Variants in GASK1A observed in about 807,000 individuals in gnomAD.
GASK1A encodes golgi associated kinase 1A, also known as Golgi-associated kinase 1A.
Under a neutral mutation model 41.2 loss-of-function variants are expected in GASK1A, and 40 were observed. That is an observed-to-expected ratio of 0.97 (90% CI 0.75 to 1.27). GASK1A has a LOEUF of 1.27. GASK1A is among the 50% of genes most tolerant of loss of function. The probability of loss-of-function intolerance (pLI) is 0.00; values close to 1 mark genes in which losing one functional copy is unlikely to be tolerated. For missense variants in GASK1A, 678 were observed against 745.1 expected (o/e 0.91, Z 1.05); for synonymous variants, 316 against 307.1 (o/e 1.03, Z -0.30).
chr3:43,002,606 T>A (rs1048634175), intron 1 of GASK1A, among the ~76,000 whole-genome samples: 1 of 152,212 alleles, frequency 6.6e-6, no homozygotes, highest in Non-Finnish European at 1.5e-5. Flanking sequence ...TGAGATGTGC[T>A]GTTTGTGTGA....
intron 1 of GASK1A, among the ~76,000 whole-genome samples, chr3:43,026,242 C>T (rs968194482): frequency 5.9e-5 from 9 of 152,198 alleles, no homozygotes; most frequent in African/African-American, 1.9e-4. Flanking sequence ...GCCATATTTG[C>T]AGGATGCAGC....
rs1050729482 is a variant in GASK1A, at chr3:43,002,266, T to A, written c.3+22621T>A. Among the ~76,000 whole-genome samples, 8 of 152,330 alleles carry A rather than the reference T, an allele frequency of 5.3e-5. No individual in the cohort carries two copies. The East Asian group carries it at 1.5e-3, about 29-fold the overall frequency. On this transcript the variant is annotated intron_variant, in intron 1 of 4. Coordinates refer to ENST00000430121, the MANE Select transcript of GASK1A (RefSeq NM_001129908.3). ...TTGTTGAGACAAAAGACTCAGCATG[T>A]GTCCTAAGGCTGGAGGAAAAACTGA...
At chr3:42,994,621 T>C (rs745973667) in intron 1 of GASK1A, among the ~76,000 whole-genome samples, 12 of 152,098 alleles carry the variant, frequency 7.9e-5, no homozygotes, top group Admixed American at 5.9e-4. Context: ...CTTTGTGCCA[T>C]GGACACAGAG....
intron 2 of GASK1A, among the ~76,000 whole-genome samples, chr3:43,044,978 T>C (rs1170728043): frequency 2.0e-5 from 3 of 152,058 alleles, no homozygotes; most frequent in African/African-American, 7.2e-5. Context: ...CCCACATTAT[T>C]TATTGGTGAT....
chr3:43,028,514 C>T (rs872126), intron 1 of GASK1A, among the ~76,000 whole-genome samples: 52,199 of 151,956 alleles, frequency 0.34, 9,675 homozygotes, highest in Non-Finnish European at 0.43. Context: ...TAGCTAAACC[C>T]ACCTAATGAA....
intron 1 of GASK1A, among the ~76,000 whole-genome samples, chr3:42,992,686 G>C (rs1475829573): frequency 6.6e-6 from 1 of 152,192 alleles, no homozygotes; most frequent in Non-Finnish European, 1.5e-5. Flanking sequence ...TGGAAACAGA[G>C]GAAGGGGAAA....
chr3:42,985,583 G>GTA (rs2089304601), intron 1 of GASK1A, among the ~76,000 whole-genome samples: 1 of 148,970 alleles, frequency 6.7e-6, no homozygotes, highest in Non-Finnish European at 1.5e-5. Context: ...GTGTGTGTGT[G>GTA]TGTGGGCGGA....
At chr3:43,036,911 C>G (rs923306774) in intron 2 of GASK1A, among the ~76,000 whole-genome samples, 4 of 152,228 alleles carry the variant, frequency 2.6e-5, no homozygotes, top group East Asian at 3.9e-4. Context: ...GAGCTGAGAA[C>G]CTAGCAAAAC....
At chr3:42,990,861 C>T (rs529552789) in intron 1 of GASK1A, among the ~76,000 whole-genome samples, 1 of 152,294 alleles carries the variant, frequency 6.6e-6, no homozygotes, top group African/African-American at 2.4e-5. Context: ...TTTGCCTGAG[C>T]TCTTGTGGCT....
rs1050292777 is a variant in GASK1A, at chr3:43,041,302, T to C, written c.1290+7749T>C. Among the ~76,000 whole-genome samples, 127 of 152,260 alleles carry C rather than the reference T, an allele frequency of 8.3e-4. 1 individual carries two copies. The highest frequency in any genetic ancestry group is 3.4e-3 in the Middle Eastern group (1 of 294). On this transcript the variant is annotated intron_variant, in intron 2 of 4. Coordinates refer to ENST00000430121, the MANE Select transcript of GASK1A (RefSeq NM_001129908.3). ...CTAGATCCCTGAGGAATCGTCACAC[T>C]GACTTCCACAATGGTTGAACTAGTT... is the stretch of plus-strand genomic sequence containing the variant.
At chr3:42,998,179 G>T (rs939422383) in intron 1 of GASK1A, among the ~76,000 whole-genome samples, 1 of 152,176 alleles carries the variant, frequency 6.6e-6, no homozygotes, top group South Asian at 2.1e-4. Flanking sequence ...TGCAGAAGAC[G>T]CAGCCGGGAG....
intron 1 of GASK1A, among the ~76,000 whole-genome samples, chr3:43,024,900 G>T (rs148886604): frequency 6.6e-6 from 1 of 152,146 alleles, no homozygotes; most frequent in Admixed American, 6.5e-5. Context: ...AGCACACGGC[G>T]AGGACATCCA....
chr3:42,980,427 C>T (rs891738776), intron 1 of GASK1A, among the ~76,000 whole-genome samples: 1 of 152,334 alleles, frequency 6.6e-6, no homozygotes, highest in South Asian at 2.1e-4. Context: ...GCAGAAAACC[C>T]CTGCAACCCC....
At chr3:42,996,721 C>G (rs2089372198) in intron 1 of GASK1A, among the ~76,000 whole-genome samples, 1 of 152,194 alleles carries the variant, frequency 6.6e-6, no homozygotes, top group Admixed American at 6.5e-5. Flanking sequence ...CCTCTAGGCC[C>G]AGAGATGAAA....
intron 2 of GASK1A, among the ~76,000 whole-genome samples, chr3:43,036,349 G>C (rs77090754): frequency 0.045 from 6,870 of 152,232 alleles, 382 homozygotes; most frequent in African/African-American, 0.13. Flanking sequence ...GGGTTTTCCT[G>C]CACAGGAACC....
At chr3:43,034,215 A>G (rs1368611213) in intron 2 of GASK1A, among the ~76,000 whole-genome samples, 1 of 152,152 alleles carries the variant, frequency 6.6e-6, no homozygotes, top group East Asian at 1.9e-4. Flanking sequence ...CGATGGAGAG[A>G]ATGGGAGAGG....
intron 1 of GASK1A, among the ~76,000 whole-genome samples, chr3:43,028,565 G>T (rs1479531225): frequency 3.9e-5 from 6 of 152,108 alleles, no homozygotes; most frequent in South Asian, 4.2e-4. Context: ...TGTGTGTGTG[G>T]GTGGGGGTGG....
intron 1 of GASK1A, among the ~76,000 whole-genome samples, chr3:42,999,988 T>C (rs1006423485): frequency 2.0e-5 from 3 of 152,210 alleles, no homozygotes; most frequent in Non-Finnish European, 4.4e-5. Flanking sequence ...ATACGGACAC[T>C]TGTGATCACA....
chr3:43,018,989 T>C (rs9816391), intron 1 of GASK1A, among the ~76,000 whole-genome samples: 29,661 of 152,150 alleles, frequency 0.19, 3,038 homozygotes, highest in Non-Finnish European at 0.21. Context: ...GCCTTGGGCC[T>C]CTCTGATTCT....
Sources: gnomAD v4.1 joint callset for allele counts (sites outside exome capture counted in the v4.1 genomes callset) on GRCh38, gnomAD v4.1.1 for gene constraint, MANE v1.5 for transcripts, NCBI Gene and HGNC (gene_info 2026-07-23, HGNC 2026-07-21) for gene names.